GCA: variants seen among roughly 807,000 people sequenced by gnomAD.
GCA encodes grancalcin, EF-hand calcium-binding protein.
GCA carries 30 observed loss-of-function variants against 32.6 expected under a neutral mutation model. That is an observed-to-expected ratio of 0.92 (90% CI 0.69 to 1.25). The LOEUF is 1.25. Ranked by LOEUF, GCA falls within the 50% of genes most tolerant of loss-of-function variation. The pLI is 0.00. For synonymous variants in GCA, 102 were observed against 84.6 expected (o/e 1.21, Z -1.13); for missense variants, 291 against 266.8 (o/e 1.09, Z -0.63).
rs2105354633 is a variant in GCA, at chr2:162,360,428, G to T, written c.*185G>T. 1.7e-6 allele frequency: 2 copies of T among 1,184,290 alleles called. No individual in the cohort carries two copies. The highest frequency in any genetic ancestry group is 2.6e-5 in the South Asian group (1 of 38,868). The allele number at this position is 1,184,290 out of a possible 1,614,324, so 73.4% of individuals were successfully genotyped here. On this transcript the variant is annotated 3_prime_UTR_variant, in exon 8 of 8. Transcript: ENST00000437150. ...ATAAAAGATTTCTTTTTTAATTTGA[G>T]GTATTACTGCTTTTGGAAAAGTTAT...
At chr2:162,369,598 T>C (rs1031597475) in intron 4 of GCA, among the ~76,000 whole-genome samples, 3 of 152,098 alleles carry the variant, frequency 2.0e-5, no homozygotes, top group Admixed American at 6.6e-5. Flanking sequence ...ATACCAAATG[T>C]TGCAGCTGAG....
intron 4 of GCA, chr2:162,371,209 C>T (rs1685930645): frequency 2.2e-6 from 1 of 449,116 alleles, no homozygotes; most frequent in African/African-American, 2.0e-5. Flanking sequence ...ATAGAAAGAC[C>T]TTTGTTCTCA....
At chr2:162,326,608 C>G (rs769158563) in intron 1 of GCA, among the ~76,000 whole-genome samples, 1 of 152,174 alleles carries the variant, frequency 6.6e-6, no homozygotes, top group Non-Finnish European at 1.5e-5. Context: ...TCTCCGCCTC[C>G]TGGGTTCCAG....
intron 1 of GCA, among the ~76,000 whole-genome samples, chr2:162,332,764 C>T (rs879330577): frequency 3.3e-5 from 5 of 151,426 alleles, no homozygotes; most frequent in Non-Finnish European, 4.4e-5. Flanking sequence ...AACTTCCACA[C>T]AAAAATAATA....
upstream of GCA, among the ~76,000 whole-genome samples, chr2:162,339,719 T>C (rs1351957307): frequency 1.3e-5 from 2 of 152,174 alleles, no homozygotes; most frequent in East Asian, 3.8e-4. Flanking sequence ...AAAGGTCATG[T>C]GAGGACACAG....
chr2:162,344,152 C>T lies in GCA; in HGVS notation c.-97C>T, dbSNP rs947784581. On this transcript the variant is annotated 5_prime_UTR_variant, in exon 1 of 8. Coordinates refer to ENST00000437150, the MANE Select transcript of GCA (RefSeq NM_012198.5). ...CGGTTAGTGCGCCTTTCAGCCTCAC[C>T]TGCAGCTGCGCCTCCTTGCACCTGC... 25 of 1,332,850 alleles carry T rather than the reference C, an allele frequency of 1.9e-5. No homozygotes were observed. The highest frequency in any genetic ancestry group is 2.4e-5 in the Non-Finnish European group (22 of 930,282). 82.6% of individuals were successfully genotyped at this position (1,332,850 alleles called of 1,614,324 possible).
At position 162,347,491 on chromosome 2, in the gene GCA, G is replaced by C. The variant is rs544171476; in HGVS notation, c.28-87G>C. On this transcript the variant is annotated intron_variant, in intron 1 of 7. Coordinates refer to ENST00000437150, the MANE Select transcript of GCA (RefSeq NM_012198.5). ...TTTTGGTAACTGTTTACTTTTTGAC[G>C]GACTTCTAATAATTTCTTTTAATCC... 6 of 785,282 alleles carry C rather than the reference G, an allele frequency of 7.6e-6. No homozygotes were observed. In the African/African-American group the frequency reaches 1.1e-4, roughly 14 times the overall value. The allele number at this position is 785,282 out of a possible 1,614,324, so 48.6% of individuals were successfully genotyped here. A position where few individuals can be genotyped will look rare whatever the true frequency, so the allele number is the denominator to read the frequency against.
At chr2:162,331,466 C>T (rs1684081634) in intron 1 of GCA, among the ~76,000 whole-genome samples, 1 of 152,190 alleles carries the variant, frequency 6.6e-6, no homozygotes, top group South Asian at 2.1e-4. Flanking sequence ...CCCAATGCAA[C>T]AGTGTTAAGA....
chr2:162,356,956 G>C, intron 5 of GCA, 51 bp downstream of exon 5: 1 of 1,280,604 alleles, frequency 7.8e-7, no homozygotes, highest in Non-Finnish European at 1.1e-6. Flanking sequence ...TTTGTTCTTT[G>C]ATTAGATGAA....
chr2:162,360,691 G>A lies in GCA; in HGVS notation c.*448G>A. Reference sequence around the variant, plus strand: ...GTTTGAGGGTTGGCTAGAAATGAAAGCCTGGATTTTGTGCCATGTTTGTAA... The same window carrying A: ...GTTTGAGGGTTGGCTAGAAATGAAAACCTGGATTTTGTGCCATGTTTGTAA... On this transcript the variant is annotated 3_prime_UTR_variant, in exon 8 of 8. Transcript: ENST00000437150. 1 of 1,347,040 alleles carries A rather than the reference G, an allele frequency of 7.4e-7. No homozygotes were observed. Among genetic ancestry groups the A allele is most frequent in the Non-Finnish European group, 9.5e-7 (1 of 1,050,418 alleles). The allele number at this position is 1,347,040 out of a possible 1,614,324, so 83.4% of individuals were successfully genotyped here.
At chr2:162,368,326 T>G (rs967460258) in intron 4 of GCA, among the ~76,000 whole-genome samples, 7 of 151,986 alleles carry the variant, frequency 4.6e-5, no homozygotes, top group Non-Finnish European at 1.0e-4. Context: ...GATAAGTAAT[T>G]TACATATATT....
chr2:162,350,146 A>C (rs1684918358), intron 2 of GCA, among the ~76,000 whole-genome samples: 1 of 152,198 alleles, frequency 6.6e-6, no homozygotes, highest in South Asian at 2.1e-4. Context: ...CTGACCATTG[A>C]CATGTAGGTG....
At chr2:162,322,008 A>G (rs555472685) in intron 1 of GCA, among the ~76,000 whole-genome samples, 1 of 148,084 alleles carries the variant, frequency 6.8e-6, no homozygotes, top group African/African-American at 2.5e-5. Context: ...CAGCCATTTA[A>G]CTGAAACTGA....
At chr2:162,333,849 T>A (rs1294751296) in intron 1 of GCA, among the ~76,000 whole-genome samples, 2 of 152,210 alleles carry the variant, frequency 1.3e-5, no homozygotes, top group African/African-American at 4.8e-5. Context: ...CAATTAAGCA[T>A]AATGTTAACA....
At chr2:162,339,681 C>A (rs1684377944), upstream of GCA, among the ~76,000 whole-genome samples, 1 of 152,122 alleles carries the variant, frequency 6.6e-6, no homozygotes, top group Non-Finnish European at 1.5e-5. Flanking sequence ...AAGTTTGCCC[C>A]CTCTCTGGCT....
intron 2 of GCA, among the ~76,000 whole-genome samples, chr2:162,349,401 T>C (rs1684874334): frequency 6.6e-6 from 1 of 152,142 alleles, no homozygotes; most frequent in South Asian, 2.1e-4. Context: ...TGCTTCAGCA[T>C]GTATTGCAGC....
intron 1 of GCA, among the ~76,000 whole-genome samples, chr2:162,336,169 T>C (rs541791745): frequency 5.9e-5 from 9 of 152,334 alleles, no homozygotes; most frequent in Admixed American, 3.3e-4. Flanking sequence ...ATGTTTTGCT[T>C]AGTTAACAGT....
At chr2:162,325,063 A>T (rs1683827606) in intron 1 of GCA, among the ~76,000 whole-genome samples, 1 of 152,232 alleles carries the variant, frequency 6.6e-6, no homozygotes, top group South Asian at 2.1e-4. Context: ...CAAAGAAAGA[A>T]TTTGGTGCCA....
chr2:162,328,717 CAATT>C (rs1335233677), intron 1 of GCA, among the ~76,000 whole-genome samples: 1 of 152,120 alleles, frequency 6.6e-6, no homozygotes, highest in African/African-American at 2.4e-5. Context: ...TTAACCAGCT[CAATT>C]AAACCCTCTA....
Sources: gnomAD v4.1 joint callset for allele counts (sites outside exome capture counted in the v4.1 genomes callset) on GRCh38, gnomAD v4.1.1 for gene constraint, MANE v1.5 for transcripts, NCBI Gene and HGNC (gene_info 2026-07-23, HGNC 2026-07-21) for gene names.